The following PLA2R1 variants were observed in gnomAD, a reference collection of about 807,000 sequenced individuals.
The protein encoded by PLA2R1 is phospholipase A2 receptor 1, also known as secretory phospholipase A2 receptor.
A neutral mutation model predicts 195.9 loss-of-function variants in PLA2R1; 158 were observed. The observed-to-expected ratio is 0.81, with a 90% CI of 0.71 to 0.92. PLA2R1 has a LOEUF of 0.92. PLA2R1 is among the 40% of genes least tolerant of loss of function. PLA2R1 has a pLI of 0.00. For synonymous variants in PLA2R1, 586 were observed against 598.2 expected (o/e 0.98, Z 0.30); for missense variants, 1,626 against 1,764.6 (o/e 0.92, Z 1.41).
intron 6 of PLA2R1, among the ~76,000 whole-genome samples, chr2:160,025,338 A>C (rs1279912350): frequency 6.6e-6 from 1 of 152,104 alleles, no homozygotes; most frequent in Non-Finnish European, 1.5e-5. Flanking sequence ...GCAACAGTGC[A>C]AGACACCGTC....
rs751286893 is a variant in PLA2R1, at chr2:160,062,370, GCAGCAGCAGCAGCAGCGACGGCGA to G, written c.10_33del (p.Ser4_Leu11del). The G allele has an allele frequency of 1.3e-6, 2 of 1,535,056 alleles. No homozygotes were observed. The highest frequency in any genetic ancestry group is 1.8e-6 in the Non-Finnish European group (2 of 1,139,618). The stretch of plus-strand genomic sequence containing the variant: ...GCGCAGCCCCGCGGCGCCCCCAGCA[GCAGCAGCAGCAGCAGCGACGGCGA>G]CAGCAGCATCGCTAACCACTGGGCT... On this transcript the variant is annotated inframe_deletion, in exon 1 of 30. Transcript: ENST00000283243.
rs56329076 is a variant in PLA2R1, at chr2:159,948,642, C to CAA, written c.3709+964_3709+965dup. ...GATTCCAAGAAAAGGCAAGTGCTAACAAAAAAAAAAAAAAAAAAAAGGAGA... is the reference window on the plus strand; with the variant it reads ...GATTCCAAGAAAAGGCAAGTGCTAACAAAAAAAAAAAAAAAAAAAAAAGGAGA... On this transcript the variant is annotated intron_variant, in intron 25 of 29. Transcript: ENST00000283243. Among the ~76,000 whole-genome samples, 579 of 95,818 alleles carry CAA rather than the reference C, an allele frequency of 6.0e-3. 8 individuals are homozygous for CAA. Among genetic ancestry groups the CAA allele is most frequent in the Middle Eastern group, 0.011 (2 of 188 alleles). 62.9% of individuals were successfully genotyped at this position (95,818 alleles called of 152,430 possible).
chr2:159,994,657 G>A (rs527781273), intron 11 of PLA2R1, among the ~76,000 whole-genome samples: 1 of 152,080 alleles, frequency 6.6e-6, no homozygotes, highest in Non-Finnish European at 1.5e-5. Context: ...ATGGGAAAGG[G>A]GTGAGGATAC....
intron 14 of PLA2R1, 109 bp downstream of exon 14, chr2:159,979,721 T>C (rs1689815767): frequency 1.6e-6 from 1 of 611,966 alleles, no homozygotes; most frequent in African/African-American, 1.9e-5. Flanking sequence ...TGCAGTTTTG[T>C]CATGGGAGCT....
Position 160,059,714 on chromosome 2 carries a change from TCACA to T in PLA2R1, c.109+2577_109+2580del, listed in dbSNP as rs2105723720. Among the ~76,000 whole-genome samples, 3 of 152,282 alleles carry T rather than the reference TCACA, an allele frequency of 2.0e-5. 1 individual carries two copies. The highest frequency in any genetic ancestry group is 7.2e-5 in the African/African-American group (3 of 41,560). On this transcript the variant is annotated intron_variant, in intron 1 of 29. Transcript: ENST00000283243. The stretch of plus-strand genomic sequence containing the variant: ...GGAAGAAAAAGAGGTTTAGTTGGAC[TCACA>T]GTTCAACATGGCTGGGGAGTCCTCA...
At chr2:159,984,199 G>A (rs548898168) in intron 12 of PLA2R1, 126 bp from the exon 13 acceptor site, 23 of 494,378 alleles carry the variant, frequency 4.7e-5, no homozygotes, top group Non-Finnish European at 7.9e-5. Context: ...TTGATCTAGT[G>A]GGAGGAAGTA....
At chr2:160,045,227 T>C in intron 1 of PLA2R1, 70 bp from the exon 2 acceptor site, 1 of 1,234,350 alleles carries the variant, frequency 8.1e-7, no homozygotes, top group South Asian at 1.4e-5. Flanking sequence ...AGGATCTCAG[T>C]GTGCATATCT....
chr2:160,062,558 G>A lies in PLA2R1; in HGVS notation c.-155C>T. The A allele has an allele frequency of 1.5e-6, 2 of 1,313,798 alleles. No homozygotes were observed. Among genetic ancestry groups the A allele is most frequent in the Non-Finnish European group, 2.0e-6 (2 of 1,016,244 alleles). 81.4% of individuals were successfully genotyped at this position (1,313,798 alleles called of 1,614,324 possible). ...CCTCCGGGGGCCTTGCCAGCCCAGA[G>A]CCCTGGAGACCCACTCCGCCACCGC... On this transcript the variant is annotated 5_prime_UTR_variant, in exon 1 of 30. Transcript: ENST00000283243.
chr2:160,024,156 G>A (rs1343838173), intron 6 of PLA2R1, among the ~76,000 whole-genome samples: 1 of 152,128 alleles, frequency 6.6e-6, no homozygotes, highest in Admixed American at 6.5e-5. Flanking sequence ...CTATTGCGCT[G>A]CACAATGTTG....
chr2:160,018,269 T>C (rs1199934803), intron 8 of PLA2R1, among the ~76,000 whole-genome samples: 1 of 152,124 alleles, frequency 6.6e-6, no homozygotes, highest in African/African-American at 2.4e-5. Flanking sequence ...CAGAGCAACA[T>C]ACCCATGCCT....
At chr2:159,924,938 C>T in the PLA2R1 span, among the ~76,000 whole-genome samples, 1 of 152,094 alleles carries the variant, frequency 6.6e-6, no homozygotes. Context: ...AGGCATATTA[C>T]TCCTGTGGTG....
At chr2:159,950,854 A>G (rs1028113289) in intron 24 of PLA2R1, among the ~76,000 whole-genome samples, 7 of 152,254 alleles carry the variant, frequency 4.6e-5, no homozygotes, top group Non-Finnish European at 1.0e-4. Flanking sequence ...ATTTAAAAAA[A>G]TGAAAATAAC....
Position 160,042,034 on chromosome 2 carries a change from G to C in PLA2R1, c.658C>G (p.Pro220Ala). The change falls in exon 3 of 30, where the codon CCT becomes GCT. Residue 220 changes from proline (P) to alanine (A), a missense_variant. Physicochemically the swap from Pro to Ala is conservative, Grantham distance 27. Coordinates refer to ENST00000283243, the MANE Select transcript of PLA2R1 (RefSeq NM_007366.5). ...YERDEKWGFC[P>A]DPTSAEVGCD... ...CAAAATTTATTCTTACTGGGATCAG[G>C]GCAAAATCCCCACTTTTCATCTCTT... is the stretch of plus-strand genomic sequence containing the variant. 1 of 1,612,914 alleles carries C rather than the reference G, an allele frequency of 6.2e-7. No individual in the cohort carries two copies. The highest frequency in any genetic ancestry group is 8.5e-7 in the Non-Finnish European group (1 of 1,179,052).
At chr2:159,996,194 A>C (rs1341917330) in intron 11 of PLA2R1, among the ~76,000 whole-genome samples, 1 of 152,060 alleles carries the variant, frequency 6.6e-6, no homozygotes, top group African/African-American at 2.4e-5. Flanking sequence ...ACTTCTTTGA[A>C]TATTTCGTGC....
At chr2:159,957,290 A>T (rs1688152510) in intron 20 of PLA2R1, among the ~76,000 whole-genome samples, 1 of 152,192 alleles carries the variant, frequency 6.6e-6, no homozygotes, top group Admixed American at 6.5e-5. Flanking sequence ...GGAATTTGGC[A>T]ATAAAAGTTG....
At chr2:159,966,025 A>T (rs536633935) in intron 20 of PLA2R1, among the ~76,000 whole-genome samples, 1 of 152,304 alleles carries the variant, frequency 6.6e-6, no homozygotes, top group South Asian at 2.1e-4. Context: ...AAGTCACACA[A>T]TTTTGTTAGC....
At position 159,932,943 on chromosome 2, in the gene PLA2R1, A is replaced by T. The variant is rs557661822; in HGVS notation, c.*8835T>A. On this transcript the variant is annotated 3_prime_UTR_variant, in exon 30 of 30. Transcript: ENST00000283243. ...CATTTTACATTAATCTTGAAAAATC[A>T]ATTTCCATTAATAGAAGCACAGGAA... is the stretch of plus-strand genomic sequence containing the variant. 6.6e-6 allele frequency: 1 copy of T among 152,292 alleles called. No individual in the cohort carries two copies. Among genetic ancestry groups the T allele is most frequent in the African/African-American group, 2.4e-5 (1 of 41,566 alleles). The allele number at this position is 152,292 out of a possible 1,614,324, so 9.4% of individuals were successfully genotyped here.
At chr2:160,018,985 A>G (rs1010202099) in intron 8 of PLA2R1, among the ~76,000 whole-genome samples, 7 of 152,238 alleles carry the variant, frequency 4.6e-5, no homozygotes, top group Non-Finnish European at 8.8e-5. Context: ...CCAAATCCCA[A>G]CAACCCCCTA....
chr2:160,049,063 G>C (rs1382617862), intron 1 of PLA2R1, among the ~76,000 whole-genome samples: 1 of 151,846 alleles, frequency 6.6e-6, no homozygotes, highest in Non-Finnish European at 1.5e-5. Flanking sequence ...GGATGGTCTC[G>C]ATCTCCTGAC....
Sources: allele counts gnomAD v4.1 joint callset (sites outside exome capture counted in the v4.1 genomes callset), GRCh38; gene constraint gnomAD v4.1.1; transcripts MANE v1.5; gene names NCBI Gene and HGNC (gene_info 2026-07-23, HGNC 2026-07-21).